RBP4: variants seen among roughly 807,000 people sequenced by gnomAD.
RBP4 encodes retinol-binding protein 4.
A neutral mutation model predicts 26.2 loss-of-function variants in RBP4; 9 were observed. That is an observed-to-expected ratio of 0.34 (90% CI 0.21 to 0.60). The LOEUF is 0.60. RBP4 is among the 20% of genes least tolerant of loss of function. The probability of loss-of-function intolerance (pLI) is 0.80; values close to 1 mark genes in which losing one functional copy is unlikely to be tolerated. For missense variants in RBP4, 244 were observed against 271.3 expected (o/e 0.90, Z 0.71); for synonymous variants, 114 against 111.0 (o/e 1.03, Z -0.17).
At chr10:93,593,266 A>G (rs539317329) in intron 5 of RBP4, among the ~76,000 whole-genome samples, 7 of 152,368 alleles carry the variant, frequency 4.6e-5, no homozygotes, top group African/African-American at 1.7e-4. Context: ...CAAGGGTAAT[A>G]TCTCCTAAAA....
chr10:93,596,582 G>A (rs1275963263), intron 4 of RBP4, among the ~76,000 whole-genome samples: 1 of 152,194 alleles, frequency 6.6e-6, no homozygotes, highest in Non-Finnish European at 1.5e-5. Flanking sequence ...GGGACAGAGA[G>A]CGTTGGAGGC....
At chr10:93,592,405 CAA>C (rs983541935) in intron 5 of RBP4, among the ~76,000 whole-genome samples, 9 of 152,172 alleles carry the variant, frequency 5.9e-5, no homozygotes, top group Non-Finnish European at 1.2e-4. Context: ...TATTGCATTT[CAA>C]AGTGTCGGAG....
At chr10:93,597,083 G>A (rs966126310) in intron 4 of RBP4, among the ~76,000 whole-genome samples, 1 of 152,190 alleles carries the variant, frequency 6.6e-6, no homozygotes, top group Non-Finnish European at 1.5e-5. Context: ...TACCCAAGGA[G>A]CATACTTAAA....
chr10:93,593,567 A>G (rs893807132), intron 5 of RBP4, among the ~76,000 whole-genome samples: 3 of 152,166 alleles, frequency 2.0e-5, no homozygotes, highest in Non-Finnish European at 4.4e-5. Flanking sequence ...GCAGAATAAA[A>G]AGAAAAGAGA....
At chr10:93,594,126 T>G in intron 4 of RBP4, 91 bp from the exon 5 acceptor site, 1 of 1,210,924 alleles carries the variant, frequency 8.3e-7, no homozygotes, top group East Asian at 2.3e-5. Flanking sequence ...GAGAACACAG[T>G]GACTTCCAGA....
chr10:93,592,190 CT>C, intron 5 of RBP4, 78 bp from the exon 6 acceptor site: 2 of 1,239,920 alleles, frequency 1.6e-6, no homozygotes, highest in Non-Finnish European at 2.4e-6. Flanking sequence ...TCATGATGGC[CT>C]TAGAGCTGGC....
chr10:93,598,146 A>G (rs1230816702), intron 4 of RBP4, among the ~76,000 whole-genome samples: 1 of 152,228 alleles, frequency 6.6e-6, no homozygotes, highest in African/African-American at 2.4e-5. Flanking sequence ...AAGAGACTTG[A>G]ACCCAGTGGT....
intron 4 of RBP4, among the ~76,000 whole-genome samples, chr10:93,596,122 A>G (rs1025652849): frequency 4.6e-5 from 7 of 151,908 alleles, no homozygotes; most frequent in African/African-American, 1.7e-4. Context: ...GCACCCTCAG[A>G]CACAAAAACA....
chr10:93,601,498 C>T, upstream of RBP4: 1 of 762,090 alleles, frequency 1.3e-6, no homozygotes, highest in Non-Finnish European at 2.0e-6. Context: ...ACCCTGCACT[C>T]GTGCCAGCGG....
chr10:93,592,143 CAG>C (rs2058271042), intron 5 of RBP4, 31 bp from the exon 6 acceptor site: 1 of 1,609,664 alleles, frequency 6.2e-7, no homozygotes, highest in Non-Finnish European at 8.5e-7. Flanking sequence ...CCATTAACGA[CAG>C]AAAGTGGACC....
At chr10:93,594,183 A>T (rs2058287861) in intron 4 of RBP4, 148 bp from the exon 5 acceptor site, 1 of 815,236 alleles carries the variant, frequency 1.2e-6, no homozygotes, top group Non-Finnish European at 2.0e-6. Context: ...GAGAATTCTG[A>T]CAACTTTTAT....
At chr10:93,597,042 G>A (rs1043543801) in intron 4 of RBP4, among the ~76,000 whole-genome samples, 1 of 152,140 alleles carries the variant, frequency 6.6e-6, no homozygotes, top group African/African-American at 2.4e-5. Context: ...CTAGACCAGT[G>A]GTTCTCAAAC....
chr10:93,600,570 C>T (rs1481917284), intron 3 of RBP4, 71 bp from the exon 4 acceptor site: 9 of 1,612,050 alleles, frequency 5.6e-6, no homozygotes, highest in Non-Finnish European at 7.6e-6. Context: ...CCATTCGGTG[C>T]TCCCTTCCCT....
At position 93,600,737 on chromosome 10, in the gene RBP4, C is replaced by G. The variant is rs369214755; in HGVS notation, c.178G>C (p.Val60Leu). ...PEGLFLQDNI[V>L]AEFSVDETGQ... ...GTCTCGTCCACGGAGAACTCCGCGA[C>G]GATGTTGTCCTGCAGAAAGAGGCCC... The change falls in exon 3 of 6, where the codon GTC (valine) becomes CTC (leucine). Residue 60 changes from valine (V) to leucine (L), a missense_variant. By Grantham distance (32) the Val-to-Leu change is conservative. Transcript: ENST00000371464. 1.2e-6 allele frequency: 2 copies of G among 1,611,114 alleles called. No individual in the cohort carries two copies. The highest frequency in any genetic ancestry group is 3.4e-5 in the Admixed American group (2 of 59,660).
chr10:93,592,211 A>G (rs2058271927), intron 5 of RBP4, 99 bp from the exon 6 acceptor site: 1 of 1,012,984 alleles, frequency 9.9e-7, no homozygotes, highest in Non-Finnish European at 1.6e-6. Flanking sequence ...CTTCATTCAA[A>G]TGCTTCTTAA....
intron 3 of RBP4, 28 bp from the exon 4 acceptor site, chr10:93,600,527 A>T (rs1312314982): frequency 6.2e-7 from 1 of 1,613,470 alleles, no homozygotes; most frequent in African/African-American, 1.3e-5. Context: ...ATCCTCAGCC[A>T]AGCCGGGCAA....
chr10:93,593,807 CCTGCT>C lies in RBP4; in HGVS notation c.568+11_568+15del. The C allele has an allele frequency of 6.2e-7, 1 of 1,610,366 alleles. No individual in the cohort carries two copies. The highest frequency in any genetic ancestry group is 8.5e-7 in the Non-Finnish European group (1 of 1,179,366). On this transcript the variant is annotated intron_variant, in intron 5 of 5. Coordinates refer to ENST00000371464, the MANE Select transcript of RBP4 (RefSeq NM_006744.4). ...CCCTGCAGGAAGAGCCAGAAGGCAC[CCTGCT>C]CCTGACTCACCGTTGTGGACGATCA... is the stretch of plus-strand genomic sequence containing the variant.
chr10:93,601,405 T>G, upstream of RBP4: 2 of 1,279,968 alleles, frequency 1.6e-6, no homozygotes, highest in Middle Eastern at 2.9e-4. Context: ...CGGCCTCACC[T>G]CCAGGACAGC....
chr10:93,601,404 C>G (rs1400893735), upstream of RBP4: 1 of 1,288,910 alleles, frequency 7.8e-7, no homozygotes, highest in Non-Finnish European at 9.9e-7. Flanking sequence ...CCGGCCTCAC[C>G]TCCAGGACAG....
Sources: allele counts gnomAD v4.1 joint callset (sites outside exome capture counted in the v4.1 genomes callset), GRCh38; gene constraint gnomAD v4.1.1; transcripts MANE v1.5; gene names NCBI Gene and HGNC (gene_info 2026-07-23, HGNC 2026-07-21).